The following GNA12 variants were observed in gnomAD, a reference collection of about 807,000 sequenced individuals.
GNA12 encodes the protein G protein subunit alpha 12, also known as guanine nucleotide-binding protein subunit alpha-12.
GNA12 carries 9 observed loss-of-function variants against 26.0 expected under a neutral mutation model. The ratio of observed to expected loss-of-function variants is 0.35; its 90% CI spans 0.21 to 0.60. The LOEUF (loss-of-function observed/expected upper bound fraction) is 0.60. Among genes scored for constraint, GNA12 ranks in the 20% least tolerant of loss-of-function variants. GNA12 has a pLI of 0.78. For missense variants in GNA12, 405 were observed against 525.8 expected (o/e 0.77, Z 2.25); for synonymous variants, 264 against 219.6 (o/e 1.20, Z -1.79).
intron 2 of GNA12, among the ~76,000 whole-genome samples, chr7:2,768,226 A>G (rs745530447): frequency 1.4e-4 from 21 of 152,224 alleles, no homozygotes; most frequent in Non-Finnish European, 3.1e-4. Flanking sequence ...AAATTGAGTT[A>G]GATTAGGTTT....
intron 2 of GNA12, among the ~76,000 whole-genome samples, chr7:2,755,734 T>C (rs1355976330): frequency 6.6e-6 from 1 of 152,268 alleles, no homozygotes; most frequent in African/African-American, 2.4e-5. Flanking sequence ...TTCCTTTTCT[T>C]GCCTTACTGC....
intron 2 of GNA12, among the ~76,000 whole-genome samples, chr7:2,741,045 AAAACAAAC>A (rs10603977): frequency 4.8e-4 from 72 of 151,286 alleles, no homozygotes; most frequent in African/African-American, 1.5e-3. Flanking sequence ...ACTCCGTCTC[AAAACAAAC>A]AAACAAACAA....
chr7:2,755,554 T>G (rs894692728), intron 2 of GNA12, among the ~76,000 whole-genome samples: 3 of 152,232 alleles, frequency 2.0e-5, no homozygotes, highest in African/African-American at 7.2e-5. Flanking sequence ...TTGGTCATTG[T>G]TAGTCTATAG....
At chr7:2,738,714 A>C (rs1486672260) in intron 2 of GNA12, among the ~76,000 whole-genome samples, 1 of 152,224 alleles carries the variant, frequency 6.6e-6, no homozygotes, top group Non-Finnish European at 1.5e-5. Flanking sequence ...CATAATTAAA[A>C]AAAAATTAAA....
At chr7:2,837,790 C>T (rs1462374849) in intron 1 of GNA12, among the ~76,000 whole-genome samples, 2 of 150,322 alleles carry the variant, frequency 1.3e-5, no homozygotes, top group Admixed American at 1.3e-4. Context: ...AAGGAAATGA[C>T]AACAGAAGAA....
chr7:2,758,656 C>A (rs750584711), intron 2 of GNA12, among the ~76,000 whole-genome samples: 3 of 152,206 alleles, frequency 2.0e-5, no homozygotes, highest in Non-Finnish European at 2.9e-5. Flanking sequence ...GCCCCCACAG[C>A]ACACTTGGAG....
chr7:2,794,998 G>T lies in GNA12; in HGVS notation c.455C>A (p.Pro152Gln). 5 of 1,614,202 alleles carry T rather than the reference G, an allele frequency of 3.1e-6. No homozygotes were observed. The highest frequency in any genetic ancestry group is 4.2e-6 in the Non-Finnish European group (5 of 1,180,026). ...ATCCCTCCAGAGTGCGCTCAGGGCC[G>T]GGACGTACAGCTGGAAGGTGGCCGG... ...VEPATFQLYVPALSALWRDSG... is the reference protein window; with the variant it reads ...VEPATFQLYVQALSALWRDSG... The change falls in exon 2 of 4, where the codon CCG becomes CAG. Residue 152 changes from proline to glutamine, a missense_variant. Transcript: ENST00000275364.
chr7:2,747,535 C>G (rs1179268988), intron 2 of GNA12, among the ~76,000 whole-genome samples: 1 of 151,908 alleles, frequency 6.6e-6, no homozygotes, highest in Non-Finnish European at 1.5e-5. Context: ...ATAATAAGAG[C>G]TATCTATGAC....
chr7:2,749,386 T>C (rs798505), intron 2 of GNA12, among the ~76,000 whole-genome samples: 82,766 of 151,728 alleles, frequency 0.55, 23,265 homozygotes, highest in Non-Finnish European at 0.62. Flanking sequence ...CTAGAAACCA[T>C]CATTGTCAGC....
At chr7:2,733,997 A>G (rs549081745) in intron 2 of GNA12, among the ~76,000 whole-genome samples, 2 of 152,390 alleles carry the variant, frequency 1.3e-5, no homozygotes, top group East Asian at 1.9e-4. Flanking sequence ...GTTTCTAGAA[A>G]GAGTCCATTA....
At chr7:2,750,419 G>T (rs1188201252) in intron 2 of GNA12, among the ~76,000 whole-genome samples, 1 of 152,230 alleles carries the variant, frequency 6.6e-6, no homozygotes, top group Non-Finnish European at 1.5e-5. Flanking sequence ...ATCCTCAGGG[G>T]ACACATGCTG....
chr7:2,754,333 C>T (rs1364181095), intron 2 of GNA12, among the ~76,000 whole-genome samples: 2 of 152,088 alleles, frequency 1.3e-5, no homozygotes, highest in East Asian at 1.9e-4. Context: ...GGATTGTTTT[C>T]GTACTGGTGA....
intron 1 of GNA12, among the ~76,000 whole-genome samples, chr7:2,837,152 TG>T (rs1025532568): frequency 9.0e-6 from 1 of 110,816 alleles, no homozygotes; most frequent in African/African-American, 3.5e-5. Flanking sequence ...CTCACCAGGG[TG>T]GTGTCAGCAG....
intron 1 of GNA12, among the ~76,000 whole-genome samples, chr7:2,803,648 C>G (rs957501378): frequency 6.6e-6 from 1 of 152,146 alleles, no homozygotes; most frequent in Non-Finnish European, 1.5e-5. Context: ...AAATTTAGTT[C>G]AGTTGGACAG....
At chr7:2,835,903 C>T in intron 1 of GNA12, 1 of 542,012 alleles carries the variant, frequency 1.8e-6, no homozygotes, top group Non-Finnish European at 3.5e-6. Flanking sequence ...TAAAAATTTG[C>T]AAGAAGCAAC....
At chr7:2,778,679 T>C (rs1271475844) in intron 2 of GNA12, among the ~76,000 whole-genome samples, 2 of 152,326 alleles carry the variant, frequency 1.3e-5, no homozygotes, top group African/African-American at 4.8e-5. Flanking sequence ...GGTAAACAAA[T>C]ACTACTTGCT....
chr7:2,762,900 C>T (rs1219699677), intron 2 of GNA12: 11 of 1,421,366 alleles, frequency 7.7e-6, no homozygotes, highest in East Asian at 2.7e-5. Flanking sequence ...GGTGCTGCGG[C>T]GGGGAGAAGA....
chr7:2,751,988 C>T lies in GNA12; in HGVS notation c.526-18487G>A, dbSNP rs141399650. Reference sequence around the variant, plus strand: ...AAAATCAAAGAGGAAGAAATAATTTCCAACTCCTTTTATGAGGCCAGCATC... The same window carrying T: ...AAAATCAAAGAGGAAGAAATAATTTTCAACTCCTTTTATGAGGCCAGCATC... On this transcript the variant is annotated intron_variant, in intron 2 of 3. Coordinates refer to ENST00000275364, the MANE Select transcript of GNA12 (RefSeq NM_007353.3). Among the ~76,000 whole-genome samples, 13 of 152,228 alleles carry T rather than the reference C, an allele frequency of 8.5e-5. No homozygotes were observed. In the East Asian group the frequency reaches 1.9e-3, roughly 23 times the overall value.
intron 2 of GNA12, among the ~76,000 whole-genome samples, chr7:2,740,690 T>A (rs1445039565): frequency 6.6e-6 from 1 of 152,194 alleles, no homozygotes; most frequent in African/African-American, 2.4e-5. Context: ...TCTGTTGGGC[T>A]CATTCTTAAA....
Sources: gnomAD v4.1 joint callset for allele counts (sites outside exome capture counted in the v4.1 genomes callset) on GRCh38, gnomAD v4.1.1 for gene constraint, MANE v1.5 for transcripts, NCBI Gene and HGNC (gene_info 2026-07-23, HGNC 2026-07-21) for gene names.